Variants in SPAG16 observed in about 807,000 individuals in gnomAD.
The protein encoded by SPAG16 is sperm-associated antigen 16 protein.
A neutral mutation model predicts 80.4 loss-of-function variants in SPAG16; 86 were observed. The observed-to-expected ratio is 1.07, with a 90% confidence interval of 0.90 to 1.28. The LOEUF is 1.28. SPAG16 is among the 50% of genes most tolerant of loss of function. The probability of loss-of-function intolerance (pLI) is 0.00; values close to 1 mark genes in which losing one functional copy is unlikely to be tolerated. For synonymous variants in SPAG16, 294 were observed against 265.9 expected (o/e 1.11, Z -1.03); for missense variants, 870 against 765.3 (o/e 1.14, Z -1.61).
intron 4 of SPAG16, among the ~76,000 whole-genome samples, chr2:213,315,167 T>C (rs1008200532): frequency 6.6e-6 from 1 of 151,946 alleles, no homozygotes; most frequent in Admixed American, 6.6e-5. Flanking sequence ...CTCAAATTGT[T>C]TTTTTTAACT....
intron 15 of SPAG16, among the ~76,000 whole-genome samples, chr2:214,308,516 G>C (rs1410719113): frequency 6.6e-6 from 1 of 152,084 alleles, no homozygotes; most frequent in Non-Finnish European, 1.5e-5. Context: ...ATTTGTAGTG[G>C]CTGGTAACAA....
intron 10 of SPAG16, among the ~76,000 whole-genome samples, chr2:213,711,000 G>A (rs562654223): frequency 2.1e-4 from 32 of 151,984 alleles, no homozygotes; most frequent in Admixed American, 3.9e-4. Flanking sequence ...AATAAACAAC[G>A]AAAACCTATA....
At position 214,282,581 on chromosome 2, in the gene SPAG16, A is replaced by G. The variant is rs2125916052; in HGVS notation, c.1721-127559A>G. Among the ~76,000 whole-genome samples the G allele has an allele frequency of 2.0e-5, 3 of 152,314 alleles. No individual in the cohort carries two copies. The Middle Eastern group carries it at 0.01, about 518-fold the overall frequency. On this transcript the variant is annotated intron_variant, in intron 15 of 15. Transcript: ENST00000331683. ...TCTAATAGGACACAATTTCACAGAT[A>G]TATTCTTCTTGATTTTTGACTAAGA... is the stretch of plus-strand genomic sequence containing the variant.
In SPAG16 at chr2:213,647,190, G is replaced by A. The variant is rs1373341396; in HGVS notation, c.1070+157100G>A. ...TTCTACTCTTTGTATTGTGTGGTGG[G>A]CCCTCAGTTGCTTATTACACTACTC... On this transcript the variant is annotated intron_variant, in intron 10 of 15. Transcript: ENST00000331683. Among the ~76,000 whole-genome samples, 4 of 152,058 alleles carry A rather than the reference G, an allele frequency of 2.6e-5. No homozygotes were observed. In the South Asian group the frequency reaches 6.2e-4, roughly 24 times the overall value.
chr2:213,898,386 A>G (rs891655189), intron 11 of SPAG16, among the ~76,000 whole-genome samples: 8 of 152,288 alleles, frequency 5.3e-5, no homozygotes, highest in Middle Eastern at 3.4e-3. Context: ...CCTGAGGGTT[A>G]TCAATTCCTT....
chr2:213,912,770 A>G (rs2077733134), intron 11 of SPAG16, among the ~76,000 whole-genome samples: 1 of 152,130 alleles, frequency 6.6e-6, no homozygotes, highest in Non-Finnish European at 1.5e-5. Flanking sequence ...TTGAGAAGCA[A>G]TTCTACCCCG....
intron 10 of SPAG16, among the ~76,000 whole-genome samples, chr2:213,618,754 A>G (rs1421144206): frequency 2.0e-5 from 3 of 152,072 alleles, no homozygotes. Context: ...AAAATTTAAA[A>G]AAAGGAAAAG....
At chr2:214,324,450 C>G (rs910216328) in intron 15 of SPAG16, among the ~76,000 whole-genome samples, 2 of 152,180 alleles carry the variant, frequency 1.3e-5, no homozygotes, top group African/African-American at 4.8e-5. Flanking sequence ...GATGCACATG[C>G]AAGATTTCCT....
intron 13 of SPAG16, among the ~76,000 whole-genome samples, chr2:214,086,644 C>A (rs1461073593): frequency 6.6e-6 from 1 of 152,102 alleles, no homozygotes; most frequent in Non-Finnish European, 1.5e-5. Flanking sequence ...CCATGTGGAA[C>A]TATGAACAAT....
At chr2:213,419,836 G>A (rs564278709) in intron 9 of SPAG16, among the ~76,000 whole-genome samples, 10 of 152,128 alleles carry the variant, frequency 6.6e-5, no homozygotes, top group South Asian at 4.1e-4. Flanking sequence ...TAAGAGATCC[G>A]TATGAACAAG....
chr2:213,953,044 C>T (rs1247591326), intron 12 of SPAG16, among the ~76,000 whole-genome samples: 1 of 151,790 alleles, frequency 6.6e-6, no homozygotes, highest in Non-Finnish European at 1.5e-5. Context: ...TTGCTTTCTA[C>T]TAGTCATGAA....
At chr2:213,757,395 A>G (rs919021643) in intron 10 of SPAG16, among the ~76,000 whole-genome samples, 1 of 152,118 alleles carries the variant, frequency 6.6e-6, no homozygotes, top group African/African-American at 2.4e-5. Flanking sequence ...AACCAAAAAG[A>G]GCCCAAACAA....
At chr2:213,697,394 T>C (rs1388139383) in intron 10 of SPAG16, among the ~76,000 whole-genome samples, 3 of 152,204 alleles carry the variant, frequency 2.0e-5, no homozygotes, top group East Asian at 3.8e-4. Flanking sequence ...GCTGTGCATC[T>C]TGAAGCCTGC....
intron 9 of SPAG16, among the ~76,000 whole-genome samples, chr2:213,472,904 G>T (rs2073165542): frequency 6.6e-6 from 1 of 152,298 alleles, no homozygotes; most frequent in South Asian, 2.1e-4. Context: ...AATGCTGGAG[G>T]TTTCCTTGGG....
intron 15 of SPAG16, among the ~76,000 whole-genome samples, chr2:214,328,969 A>T (rs1454831388): frequency 1.3e-5 from 2 of 152,176 alleles, no homozygotes; most frequent in African/African-American, 4.8e-5. Flanking sequence ...TTTTCATTAT[A>T]TACATAAGAA....
At chr2:214,048,306 A>C (rs905545709) in intron 13 of SPAG16, among the ~76,000 whole-genome samples, 1 of 152,088 alleles carries the variant, frequency 6.6e-6, no homozygotes, top group Non-Finnish European at 1.5e-5. Context: ...GCCCATCGAC[A>C]CTTAGGTTAT....
chr2:213,738,691 G>A (rs2067406680), intron 10 of SPAG16, among the ~76,000 whole-genome samples: 1 of 152,152 alleles, frequency 6.6e-6, no homozygotes, highest in African/African-American at 2.4e-5. Flanking sequence ...GTTTAGCATA[G>A]TTAAAAATAT....
At chr2:214,096,610 C>A (rs2052609411) in intron 13 of SPAG16, among the ~76,000 whole-genome samples, 1 of 151,970 alleles carries the variant, frequency 6.6e-6, no homozygotes, top group African/African-American at 2.4e-5. Context: ...AGCTTTTTCT[C>A]TTTCTGAAAA....
intron 14 of SPAG16, among the ~76,000 whole-genome samples, chr2:214,110,692 G>A (rs2053619823): frequency 6.6e-6 from 1 of 152,152 alleles, no homozygotes; most frequent in Non-Finnish European, 1.5e-5. Context: ...TCTAGTTCTA[G>A]ATCCTTGAGG....
Sources: allele counts gnomAD v4.1 joint callset (sites outside exome capture counted in the v4.1 genomes callset), GRCh38; gene constraint gnomAD v4.1.1; transcripts MANE v1.5; gene names NCBI Gene and HGNC (gene_info 2026-07-23, HGNC 2026-07-21).